Variants in TRAPPC8 observed in about 807,000 individuals in gnomAD.
TRAPPC8 encodes the protein general sporulation gene 1 homolog.
In TRAPPC8, 54 loss-of-function variants were observed where a neutral mutation model predicts 174.3. That is an observed-to-expected ratio of 0.31 (90% CI 0.25 to 0.39). The LOEUF (loss-of-function observed/expected upper bound fraction) is 0.39, where lower values mean the gene tolerates loss of function less well. Among genes scored for constraint, TRAPPC8 ranks in the 10% least tolerant of loss-of-function variants. The pLI is 1.00. For synonymous variants in TRAPPC8, 630 were observed against 579.9 expected (o/e 1.09, Z -1.24); for missense variants, 1,531 against 1,699.1 (o/e 0.90, Z 1.74).
chr18:31,924,961 G>A, intron 2 of TRAPPC8, among the ~76,000 whole-genome samples: 1 of 151,710 alleles, frequency 6.6e-6, no homozygotes, highest in East Asian at 1.9e-4. Flanking sequence ...AGAAAAAAAA[G>A]GCCCAGGACA....
chr18:31,929,171 G>A (rs1346881614), intron 2 of TRAPPC8, among the ~76,000 whole-genome samples: 1 of 148,410 alleles, frequency 6.7e-6, no homozygotes, highest in Non-Finnish European at 1.5e-5. Context: ...GACAGAGTGA[G>A]ACTCCGTCTC....
rs376114356 is a variant in TRAPPC8 at position 31,852,752 on chromosome 18, T to C, written c.3434-89A>G. 1,128 of 1,001,874 alleles carry C rather than the reference T, an allele frequency of 1.1e-3. 20 individuals are homozygous for C. The South Asian group carries it at 0.015, about 13-fold the overall frequency. 62.1% of individuals were successfully genotyped at this position (1,001,874 alleles called of 1,614,324 possible). A position where few individuals can be genotyped will look rare whatever the true frequency, so the allele number is the denominator to read the frequency against. On this transcript the variant is annotated intron_variant, in intron 22 of 28. Coordinates refer to ENST00000283351, the MANE Select transcript of TRAPPC8 (RefSeq NM_014939.5). The stretch of plus-strand genomic sequence containing the variant: ...ATTATTTAGACTTCCTTGGTCAAAA[T>C]AGAAAATAATTCGTAATTATAAATA...
At chr18:31,855,567 C>A in intron 21 of TRAPPC8, 93 bp downstream of exon 21, 1 of 1,061,884 alleles carries the variant, frequency 9.4e-7, no homozygotes, top group Non-Finnish European at 1.4e-6. Flanking sequence ...CTAGCTTATG[C>A]TGTCTTGTAA....
At chr18:31,842,211 G>A (rs1251962856) in intron 26 of TRAPPC8, among the ~76,000 whole-genome samples, 1 of 152,148 alleles carries the variant, frequency 6.6e-6, no homozygotes, top group Non-Finnish European at 1.5e-5. Flanking sequence ...TGTGTCATTT[G>A]GCCTTATAGA....
intron 26 of TRAPPC8, 45 bp downstream of exon 26, chr18:31,846,671 A>C (rs770923867): frequency 2.1e-4 from 309 of 1,447,866 alleles, no homozygotes; most frequent in East Asian, 7.1e-4. Flanking sequence ...ACAAAAAAAA[A>C]CCCACAAGTT....
At chr18:31,891,967 T>C (rs553240150) in intron 11 of TRAPPC8, among the ~76,000 whole-genome samples, 21 of 152,314 alleles carry the variant, frequency 1.4e-4, no homozygotes, top group Admixed American at 5.9e-4. Flanking sequence ...GATTAGATGA[T>C]TGCTCTAGTA....
intron 26 of TRAPPC8, among the ~76,000 whole-genome samples, chr18:31,840,338 C>A (rs146032756): frequency 6.9e-6 from 1 of 145,148 alleles, no homozygotes; most frequent in Non-Finnish European, 1.5e-5. Context: ...ACCTGGGCAA[C>A]AGAATGTGGC....
Position 31,864,769 on chromosome 18 carries a change from A to G in TRAPPC8, c.2603T>C (p.Leu868Ser), listed in dbSNP as rs2034506952. Residue 868 changes from leucine (L) to serine (S), a missense_variant, in exon 19 of 29, where the codon TTG becomes TCG. Physicochemically the swap from Leu to Ser is moderately radical, Grantham distance 145. Transcript: ENST00000283351. ...CTGCTTCCCTCGGACTGACATACTC[A>G]AGGAATATTTTCCTGAAATAAAAAA... ...LPGCHTGKYS[L>S]SMSVRGKQDL... 2 of 1,603,594 alleles carry G rather than the reference A, an allele frequency of 1.2e-6. No homozygotes were observed. Among genetic ancestry groups the G allele is most frequent in the Non-Finnish European group, 1.7e-6 (2 of 1,176,412 alleles).
rs897482274 is a variant in TRAPPC8, at chr18:31,852,858, C to A, written c.3434-195G>T. On this transcript the variant is annotated intron_variant, in intron 22 of 28. Transcript: ENST00000283351. ...GATAAATTTCAATTTTCTCAAAATA[C>A]ATATCCATGTGTGCACATGTATATA... The A allele has an allele frequency of 3.1e-4, 177 of 570,624 alleles. 2 individuals are homozygous for A. Among genetic ancestry groups the A allele is most frequent in the Non-Finnish European group, 5.2e-4 (167 of 322,744 alleles). The allele number at this position is 570,624 out of a possible 1,614,324, so 35.3% of individuals were successfully genotyped here. A position where few individuals can be genotyped will look rare whatever the true frequency, so the allele number is the denominator to read the frequency against.
intron 12 of TRAPPC8, among the ~76,000 whole-genome samples, chr18:31,882,287 TATC>T (rs2145288414): frequency 6.6e-6 from 1 of 152,226 alleles, no homozygotes; most frequent in Admixed American, 6.5e-5. Context: ...AAAAGAATGG[TATC>T]ATATCCTTTG....
intron 11 of TRAPPC8, among the ~76,000 whole-genome samples, chr18:31,895,564 T>C (rs2036148897): frequency 6.6e-6 from 1 of 152,206 alleles, no homozygotes; most frequent in South Asian, 2.1e-4. Context: ...AACACGGTTA[T>C]AATGCAGACA....
At chr18:31,846,486 G>T (rs1293461377) in intron 26 of TRAPPC8, among the ~76,000 whole-genome samples, 1 of 151,974 alleles carries the variant, frequency 6.6e-6, no homozygotes, top group Non-Finnish European at 1.5e-5. Context: ...GAGGCCAGAG[G>T]ATCACCTGAG....
chr18:31,849,334 T>C (rs1256312735), intron 25 of TRAPPC8, among the ~76,000 whole-genome samples: 1 of 152,116 alleles, frequency 6.6e-6, no homozygotes, highest in Non-Finnish European at 1.5e-5. Context: ...GAGCTTATCA[T>C]GTCTACAATA....
intron 1 of TRAPPC8, 81 bp downstream of exon 1, chr18:31,942,527 C>G (rs1236182770): frequency 7.0e-6 from 10 of 1,431,984 alleles, no homozygotes; most frequent in Non-Finnish European, 8.3e-6. Flanking sequence ...CACTGCCCTT[C>G]TCTTCCCTGC....
intron 10 of TRAPPC8, among the ~76,000 whole-genome samples, chr18:31,898,194 T>G (rs2036263329): frequency 6.6e-6 from 1 of 152,180 alleles, no homozygotes; most frequent in Non-Finnish European, 1.5e-5. Context: ...TTTATTTGTA[T>G]TTTAAATTTT....
At chr18:31,898,181 T>G (rs1319767523) in intron 10 of TRAPPC8, among the ~76,000 whole-genome samples, 1 of 152,164 alleles carries the variant, frequency 6.6e-6, no homozygotes, top group African/African-American at 2.4e-5. Flanking sequence ...TTATACTTTA[T>G]TTTTTATTTG....
intron 12 of TRAPPC8, chr18:31,883,740 A>T (rs2035571998): frequency 6.6e-6 from 1 of 152,260 alleles, no homozygotes; most frequent in African/African-American, 2.4e-5. Flanking sequence ...CAAATTAACC[A>T]GACAGAAGAA....
intron 2 of TRAPPC8, among the ~76,000 whole-genome samples, chr18:31,923,102 G>A (rs2037459882): frequency 6.6e-6 from 1 of 152,142 alleles, no homozygotes. Context: ...TTTAAAATAA[G>A]ATGCAGCCCA....
At chr18:31,902,911 A>T (rs1175369946) in intron 9 of TRAPPC8, among the ~76,000 whole-genome samples, 4 of 151,868 alleles carry the variant, frequency 2.6e-5, no homozygotes, top group South Asian at 2.1e-4. Flanking sequence ...TAGCTGGGCA[A>T]GGTGGCGGGC....
Sources: gnomAD v4.1 joint callset for allele counts (sites outside exome capture counted in the v4.1 genomes callset) on GRCh38, gnomAD v4.1.1 for gene constraint, MANE v1.5 for transcripts, NCBI Gene and HGNC (gene_info 2026-07-23, HGNC 2026-07-21) for gene names.